Variants in PLD5 observed in about 807,000 individuals in gnomAD.
PLD5 encodes the protein inactive phospholipase D5.
PLD5 carries 36 observed loss-of-function variants against 61.1 expected under a neutral mutation model. The ratio of observed to expected loss-of-function variants is 0.59; its 90% CI spans 0.45 to 0.78. The LOEUF (loss-of-function observed/expected upper bound fraction) is 0.78. PLD5 is among the 30% of genes least tolerant of loss of function. PLD5 has a pLI of 0.00. For synonymous variants in PLD5, 243 were observed against 242.8 expected, an observed-to-expected ratio of 1.00 and a Z score of -0.01; for missense variants, 515 against 644.4, an observed-to-expected ratio of 0.80 and a Z score of 2.17.
intron 1 of PLD5, among the ~76,000 whole-genome samples, chr1:242,424,595 C>T (rs1665317418): frequency 6.6e-6 from 1 of 152,028 alleles, no homozygotes; most frequent in Admixed American, 6.6e-5. Flanking sequence ...TTCAAATCCA[C>T]TGAGATATCA....
chr1:242,350,897 CT>C (rs149135759), intron 1 of PLD5, among the ~76,000 whole-genome samples: 11,070 of 142,736 alleles, frequency 0.078, 439 homozygotes, highest in Middle Eastern at 0.12. Context: ...CTGTTTTATT[CT>C]TTTTTTTTTT....
intron 1 of PLD5, among the ~76,000 whole-genome samples, chr1:242,522,782 A>G (rs1054647576): frequency 2.0e-5 from 3 of 152,168 alleles, no homozygotes; most frequent in African/African-American, 7.2e-5. Flanking sequence ...ACAACTTGCC[A>G]TCCTAGAAAC....
At chr1:242,514,613 GA>G (rs1337680289) in intron 1 of PLD5, among the ~76,000 whole-genome samples, 7 of 144,074 alleles carry the variant, frequency 4.9e-5, no homozygotes, top group Admixed American at 2.1e-4. Context: ...AAGTCAAAAA[GA>G]AAAAAAAAAG....
At chr1:242,178,128 G>A (rs1454725046) in intron 5 of PLD5, among the ~76,000 whole-genome samples, 1 of 152,206 alleles carries the variant, frequency 6.6e-6, no homozygotes, top group African/African-American at 2.4e-5. Flanking sequence ...CCAGGTTAAA[G>A]CTTATCCAGC....
At chr1:242,520,417 G>A (rs1558166232) in intron 1 of PLD5, among the ~76,000 whole-genome samples, 3 of 152,250 alleles carry the variant, frequency 2.0e-5, no homozygotes, top group South Asian at 2.1e-4. Context: ...GCAAACCAGC[G>A]ACTTCTCTAA....
chr1:242,409,842 C>T (rs2149287445), intron 1 of PLD5, among the ~76,000 whole-genome samples: 1 of 152,276 alleles, frequency 6.6e-6, no homozygotes, highest in South Asian at 2.1e-4. Flanking sequence ...CGCCATGTTG[C>T]CAGGCACATG....
In PLD5 at chr1:242,099,150, C is replaced by T. The variant is rs117758008; in HGVS notation, c.1354+1518G>A. ...ATTTTTATTTTTTTTGAGGAGGAGT[C>T]CCACCTTGTCACCCTGGCTGGAGTG... On this transcript the variant is annotated intron_variant, in intron 9 of 9. Transcript: ENST00000536534. Among the ~76,000 whole-genome samples, 76 of 152,094 alleles carry T rather than the reference C, an allele frequency of 5.0e-4. 1 individual carries two copies. The East Asian group carries it at 0.012, about 24-fold the overall frequency.
intron 5 of PLD5, among the ~76,000 whole-genome samples, chr1:242,195,625 G>C (rs992773433): frequency 1.3e-5 from 2 of 152,176 alleles, no homozygotes; most frequent in African/African-American, 4.8e-5. Flanking sequence ...TTCAGAGTGA[G>C]AGCAGGATCA....
chr1:242,341,486 T>C (rs1659829006), intron 2 of PLD5, among the ~76,000 whole-genome samples: 2 of 150,150 alleles, frequency 1.3e-5, no homozygotes, highest in African/African-American at 2.5e-5. Flanking sequence ...AAATAAAGTA[T>C]GTGAAAAATA....
Position 242,524,087 on chromosome 1 carries a change from C to T in PLD5, c.189+1G>A. 6.5e-7 allele frequency: 1 copy of T among 1,533,794 alleles called. No individual in the cohort carries two copies. The highest frequency in any genetic ancestry group is 8.7e-7 in the Non-Finnish European group (1 of 1,145,650). ...GGCCCCCGGGAGCGAGTCGCCCTTA[C>T]GTGCTCCAGCTTGTCTTTCCTCCGA... On this transcript the variant is annotated splice_donor_variant, in intron 1 of 9. Transcript: ENST00000536534. LOFTEE classifies it high-confidence loss of function.
Position 242,452,587 on chromosome 1 carries a change from G to A in PLD5, c.189+71501C>T, listed in dbSNP as rs147070740. ...TCCTAGCACTTTAGGAAGCTGAGGC[G>A]GGTGGATCGCTTGAGCCCAGGAGTT... On this transcript the variant is annotated intron_variant, in intron 1 of 9. Transcript: ENST00000536534. 2.0e-3 allele frequency among the ~76,000 whole-genome samples: 299 copies of A among 152,218 alleles called. 8 individuals carry two copies. In the East Asian group the frequency reaches 0.048, roughly 24 times the overall value.
chr1:242,454,982 G>T (rs969868018), intron 1 of PLD5, among the ~76,000 whole-genome samples: 6 of 152,098 alleles, frequency 3.9e-5, no homozygotes, highest in African/African-American at 9.7e-5. Flanking sequence ...CACAATCAGG[G>T]TATAGTTCTC....
At chr1:242,296,684 A>G (rs1259114497) in intron 2 of PLD5, among the ~76,000 whole-genome samples, 1 of 152,230 alleles carries the variant, frequency 6.6e-6, no homozygotes, top group Non-Finnish European at 1.5e-5. Flanking sequence ...AATACCAGCA[A>G]GAGCTGGCTG....
intron 5 of PLD5, among the ~76,000 whole-genome samples, chr1:242,159,324 G>C (rs978673921): frequency 6.6e-6 from 1 of 152,126 alleles, no homozygotes; most frequent in African/African-American, 2.4e-5. Context: ...AATAACCCTA[G>C]TGTTGACCTT....
At chr1:242,356,215 G>T (rs932223675) in intron 1 of PLD5, among the ~76,000 whole-genome samples, 4 of 152,018 alleles carry the variant, frequency 2.6e-5, no homozygotes, top group Non-Finnish European at 5.9e-5. Context: ...TTTCCCTTCA[G>T]ATACTTTAAT....
chr1:242,178,662 T>C (rs1437696334), intron 5 of PLD5, among the ~76,000 whole-genome samples: 2 of 152,184 alleles, frequency 1.3e-5, no homozygotes, highest in African/African-American at 2.4e-5. Flanking sequence ...CAAATCACAA[T>C]GTAGTCTCCA....
chr1:242,173,068 A>G (rs895733386), intron 5 of PLD5, among the ~76,000 whole-genome samples: 2 of 152,276 alleles, frequency 1.3e-5, no homozygotes, highest in African/African-American at 4.8e-5. Flanking sequence ...ATCAGGCAGG[A>G]GAAAGAAATA....
At position 242,083,462 on chromosome 1, in the gene PLD5, GTC is replaced by G. The variant is rs2148628428; in HGVS notation, c.*6390_*6391del. Reference sequence around the variant, plus strand: ...CTCCTGCAGGAGCTGTGGAGGTAGGGTCTCTCCAAGACACCAGGAAAACTATA... The same window carrying G: ...CTCCTGCAGGAGCTGTGGAGGTAGGGTCTCCAAGACACCAGGAAAACTATA... On this transcript the variant is annotated 3_prime_UTR_variant, in exon 10 of 10. Transcript: ENST00000536534. 6.6e-6 allele frequency: 1 copy of G among 152,228 alleles called. No individual in the cohort carries two copies. The highest frequency in any genetic ancestry group is 1.9e-4 in the East Asian group (1 of 5,174). 9.4% of individuals were successfully genotyped at this position (152,228 alleles called of 1,614,324 possible).
chr1:242,519,575 C>T (rs1057030855), intron 1 of PLD5, among the ~76,000 whole-genome samples: 2 of 152,204 alleles, frequency 1.3e-5, no homozygotes, highest in African/African-American at 4.8e-5. Context: ...TGAAATGTTG[C>T]TTGACTTAAT....
Sources: allele counts gnomAD v4.1 joint callset (sites outside exome capture counted in the v4.1 genomes callset), GRCh38; gene constraint gnomAD v4.1.1; transcripts MANE v1.5; gene names NCBI Gene and HGNC (gene_info 2026-07-23, HGNC 2026-07-21).